Variants in TFF2 observed in about 807,000 individuals in gnomAD.
TFF2 encodes trefoil factor 2, also known as spasmolysin.
TFF2 carries 19 observed loss-of-function variants against 16.0 expected under a neutral mutation model. The observed-to-expected ratio is 1.19, with a 90% CI of 0.83 to 1.74. TFF2 has a LOEUF of 1.74. Ranked by LOEUF, TFF2 falls within the 40% of genes most tolerant of loss-of-function variation. The pLI, the probability that TFF2 is intolerant of heterozygous loss-of-function variation, is 0.00. For synonymous variants in TFF2, 61 were observed against 65.4 expected, an observed-to-expected ratio of 0.93 and a Z score of 0.32; for missense variants, 168 against 166.8, an observed-to-expected ratio of 1.01 and a Z score of -0.04.
intron 2 of TFF2, among the ~76,000 whole-genome samples, chr21:42,348,387 T>A (rs971840803): frequency 6.6e-6 from 1 of 152,150 alleles, no homozygotes; most frequent in African/African-American, 2.4e-5. Context: ...CATTTCCCCA[T>A]GGAAGCTTCT....
rs1013720393 is a variant in TFF2 at position 42,346,491 on chromosome 21, A to C, written c.*42T>G. Reference sequence around the variant, plus strand: ...GGCGAAGTTTCTTCTTTGGTTTCGGAACACCCGGTGAGCCAGATGCATCCT... The same window carrying C: ...GGCGAAGTTTCTTCTTTGGTTTCGGCACACCCGGTGAGCCAGATGCATCCT... On this transcript the variant is annotated 3_prime_UTR_variant, in exon 4 of 4. Coordinates refer to ENST00000291526, the MANE Select transcript of TFF2 (RefSeq NM_005423.5). 11 of 1,612,868 alleles carry C rather than the reference A, an allele frequency of 6.8e-6. No individual in the cohort carries two copies. In the African/African-American group the frequency reaches 1.2e-4, roughly 18 times the overall value.
At chr21:42,349,614 CTACACTAGCCCT>C (rs2052099157) in intron 2 of TFF2, among the ~76,000 whole-genome samples, 1 of 152,038 alleles carries the variant, frequency 6.6e-6, no homozygotes, top group Non-Finnish European at 1.5e-5. Flanking sequence ...ACTAACTAGC[CTACACTAGCCCT>C]AGACTAACCA....
intron 3 of TFF2, 128 bp from the exon 4 acceptor site, chr21:42,346,674 G>C: frequency 9.3e-7 from 1 of 1,080,030 alleles, no homozygotes; most frequent in East Asian, 2.5e-5. Context: ...CTCCTTTCCC[G>C]GGGAGGGGGT....
chr21:42,350,368 A>C (rs1184502553), intron 1 of TFF2: 3 of 222,438 alleles, frequency 1.3e-5, no homozygotes, highest in Non-Finnish European at 2.5e-5. Flanking sequence ...CTCTACAAAC[A>C]ATACAAAAAA....
chr21:42,350,096 G>A, intron 1 of TFF2, 66 bp from the exon 2 acceptor site: 3 of 1,521,944 alleles, frequency 2.0e-6, no homozygotes, highest in Non-Finnish European at 2.6e-6. Context: ...TCTCTCAGAG[G>A]TTCTAGGGGA....
chr21:42,349,055 C>G (rs1006301394), intron 2 of TFF2, among the ~76,000 whole-genome samples: 4 of 150,056 alleles, frequency 2.7e-5, no homozygotes, highest in Non-Finnish European at 5.9e-5. Context: ...CCAACCTGGG[C>G]TACTAGCCTC....
At position 42,347,532 on chromosome 21, in the gene TFF2, G is replaced by A; in HGVS notation, c.330C>T (p.Asn110=). The A allele has an allele frequency of 1.2e-6, 2 of 1,614,216 alleles. No individual in the cohort carries two copies. Among genetic ancestry groups the A allele is most frequent in the South Asian group, 1.1e-5 (1 of 91,088 alleles). ...AGCACCAGGGCACTTCAAAGATGAA[G>A]TTGGAGAAGCAGCACTTCCGAGAGG... The part of the protein sequence containing the change: ...ECASRKCCFS[N]FIFEVPWCFF... The change falls in exon 3 of 4, where the codon AAC becomes AAT. Residue 110 remains asparagine (N), a synonymous_variant. Transcript: ENST00000291526.
In TFF2 at chr21:42,350,009, A is replaced by G. The variant is rs1180100768; in HGVS notation, c.101T>C (p.Leu34Pro). 3 of 1,599,936 alleles carry G rather than the reference A, an allele frequency of 1.9e-6. No homozygotes were observed. Among genetic ancestry groups the G allele is most frequent in the Non-Finnish European group, 2.6e-6 (3 of 1,173,098 alleles). Residue 34 changes from leucine to proline, a missense_variant, in exon 2 of 4, where the codon CTG becomes CCG. Leu to Pro is a moderately conservative substitution (Grantham distance 98). Coordinates refer to ENST00000291526, the MANE Select transcript of TFF2 (RefSeq NM_005423.5). ...GCAGTTCGTCCTGTTATGGGGGCTC[A>G]GCCTGGAGCACTGGCAGGGGGCTGT... Reference protein sequence around the residue: ...EKPSPCQCSRLSPHNRTNCGF... With the variant: ...EKPSPCQCSRPSPHNRTNCGF...
intron 2 of TFF2, among the ~76,000 whole-genome samples, chr21:42,348,445 ATAT>A (rs1252609414): frequency 6.6e-6 from 1 of 152,090 alleles, no homozygotes; most frequent in Non-Finnish European, 1.5e-5. Context: ...ATATATATAT[ATAT>A]TTTTTTCTCA....
At chr21:42,347,384 C>G in intron 3 of TFF2, 102 bp downstream of exon 3, 1 of 1,518,756 alleles carries the variant, frequency 6.6e-7, no homozygotes, top group Non-Finnish European at 9.0e-7. Context: ...CTCGATGGCA[C>G]TGAGGCTGCG....
Position 42,346,661 on chromosome 21 carries a change from G to A in TFF2, c.377-115C>T, listed in dbSNP as rs745985920. On this transcript the variant is annotated intron_variant, in intron 3 of 3. Transcript: ENST00000291526. Reference sequence around the variant, plus strand: ...GCCCAGGAGCTTCCTACTGAAGAAGGAGCTCCTTTCCCGGGGAGGGGGTGT... The same window carrying A: ...GCCCAGGAGCTTCCTACTGAAGAAGAAGCTCCTTTCCCGGGGAGGGGGTGT... The A allele has an allele frequency of 2.4e-4, 292 of 1,200,582 alleles. 1 individual carries two copies. The highest frequency in any genetic ancestry group is 3.3e-4 in the Non-Finnish European group (280 of 859,780). 74.4% of individuals were successfully genotyped at this position (1,200,582 alleles called of 1,614,324 possible).
Position 42,350,869 on chromosome 21 carries a change from C to T in TFF2, c.79+10G>A, listed in dbSNP as rs767493833. 3.1e-6 allele frequency: 5 copies of T among 1,606,104 alleles called. No homozygotes were observed. The Admixed American group carries it at 8.6e-5, about 28-fold the overall frequency. ...AGAAAGCACATAAAAAGACCCTCTC[C>T]TTCACTTACAGGGTTTCTCACTCCC... On this transcript the variant is annotated intron_variant, in intron 1 of 3. Coordinates refer to ENST00000291526, the MANE Select transcript of TFF2 (RefSeq NM_005423.5).
rs534027587 is a variant in TFF2, at chr21:42,349,894, G to C, written c.216C>G (p.Pro72=). The change falls in exon 2 of 4, where the codon CCC becomes CCG. Residue 72 remains proline (P), a synonymous_variant. Coordinates refer to ENST00000291526, the MANE Select transcript of TFF2 (RefSeq NM_005423.5). ...SVTGVPWCFH[P]LPKQESDQCV... ...CTGGAAGATTACCTTGCTTTGGGAG[G>C]GGGTGGAAACACCAGGGGACCCCAG... is the stretch of plus-strand genomic sequence containing the variant. The C allele has an allele frequency of 1.5e-5, 24 of 1,598,072 alleles. No individual in the cohort carries two copies. In the Admixed American group the frequency reaches 4.1e-4, roughly 28 times the overall value.
At chr21:42,346,593 G>A (rs773115684) in intron 3 of TFF2, 47 bp from the exon 4 acceptor site, 1 of 1,578,690 alleles carries the variant, frequency 6.3e-7, no homozygotes, top group Non-Finnish European at 8.6e-7. Context: ...CCCAGAAATG[G>A]GAGTGCCTAG....
intron 2 of TFF2, among the ~76,000 whole-genome samples, chr21:42,347,863 T>A (rs1470716452): frequency 6.6e-6 from 1 of 152,194 alleles, no homozygotes. Flanking sequence ...GACGCTTGGC[T>A]GGCCTGTCCT....
chr21:42,347,038 T>C (rs1261934936), intron 3 of TFF2, among the ~76,000 whole-genome samples: 1 of 152,030 alleles, frequency 6.6e-6, no homozygotes. Flanking sequence ...GAGCAGGACG[T>C]TGTGGATGAG....
intron 1 of TFF2, 84 bp from the exon 2 acceptor site, chr21:42,350,114 A>G (rs945506897): frequency 1.1e-5 from 17 of 1,479,636 alleles, no homozygotes; most frequent in Non-Finnish European, 9.0e-7. Context: ...GGATGCCTCT[A>G]CTGTCTTGTT....
intron 3 of TFF2, 73 bp downstream of exon 3, chr21:42,347,413 C>A: frequency 6.3e-7 from 1 of 1,597,024 alleles, no homozygotes; most frequent in Admixed American, 1.7e-5. Context: ...CCCCTCCCTG[C>A]ACCCCACCTC....
chr21:42,346,694 C>T (rs1444895585), intron 3 of TFF2, 148 bp from the exon 4 acceptor site: 3 of 826,108 alleles, frequency 3.6e-6, no homozygotes, highest in Non-Finnish European at 5.6e-6. Flanking sequence ...TGTAAAGGGA[C>T]CAAATCTTCC....
Sources: gnomAD v4.1 joint callset for allele counts (sites outside exome capture counted in the v4.1 genomes callset) on GRCh38, gnomAD v4.1.1 for gene constraint, MANE v1.5 for transcripts, NCBI Gene and HGNC (gene_info 2026-07-23, HGNC 2026-07-21) for gene names.